The following PXDNL variants were observed in gnomAD, a reference collection of about 807,000 sequenced individuals.
The protein encoded by PXDNL is probable oxidoreductase PXDNL.
A neutral mutation model predicts 150.8 loss-of-function variants in PXDNL; 145 were observed. The ratio of observed to expected loss-of-function variants is 0.96; its 90% CI spans 0.84 to 1.10. The LOEUF (loss-of-function observed/expected upper bound fraction) is 1.10. Ranked by LOEUF, PXDNL falls within the 50% of genes least tolerant of loss-of-function variation. The probability of loss-of-function intolerance (pLI) is 0.00; values close to 1 mark genes in which losing one functional copy is unlikely to be tolerated. For missense variants in PXDNL, 2,087 were observed against 1,873.9 expected (o/e 1.11, Z -2.10); for synonymous variants, 757 against 725.7 (o/e 1.04, Z -0.69).
At chr8:51,321,668 C>G (rs543239388) in intron 21 of PXDNL, among the ~76,000 whole-genome samples, 1 of 152,198 alleles carries the variant, frequency 6.6e-6, no homozygotes, top group South Asian at 2.1e-4. Flanking sequence ...GCTTGCTTCC[C>G]CTTTGCCTTC....
chr8:51,586,645 A>C (rs1813329331), intron 3 of PXDNL, among the ~76,000 whole-genome samples: 1 of 152,234 alleles, frequency 6.6e-6, no homozygotes, highest in Non-Finnish European at 1.5e-5. Flanking sequence ...AAATCTTTTT[A>C]TCTATAGGAT....
chr8:51,562,080 C>G (rs191025740), intron 3 of PXDNL, among the ~76,000 whole-genome samples: 1 of 151,338 alleles, frequency 6.6e-6, no homozygotes, highest in East Asian at 1.9e-4. Context: ...TGATATATTG[C>G]TTTTTCATAT....
At chr8:51,625,830 T>C (rs1376179432) in intron 2 of PXDNL, among the ~76,000 whole-genome samples, 3 of 152,226 alleles carry the variant, frequency 2.0e-5, no homozygotes, top group Non-Finnish European at 4.4e-5. Context: ...ATTTTTTTAG[T>C]ACTCTGTGAT....
intron 2 of PXDNL, among the ~76,000 whole-genome samples, chr8:51,597,545 T>G (rs1813598679): frequency 6.6e-6 from 1 of 152,118 alleles, no homozygotes; most frequent in Admixed American, 6.5e-5. Flanking sequence ...GCATGGAATA[T>G]TTTTCCATTT....
At chr8:51,634,676 C>T (rs565423869) in intron 2 of PXDNL, among the ~76,000 whole-genome samples, 2 of 152,006 alleles carry the variant, frequency 1.3e-5, no homozygotes, top group African/African-American at 2.4e-5. Context: ...TGTACTTTTC[C>T]TTATAGAGCT....
chr8:51,653,184 C>T (rs1815076291), intron 2 of PXDNL, among the ~76,000 whole-genome samples: 1 of 152,124 alleles, frequency 6.6e-6, no homozygotes, highest in African/African-American at 2.4e-5. Context: ...TTTTGGGAGG[C>T]CGAGGCGGAT....
At chr8:51,421,562 T>C (rs1442091296) in intron 14 of PXDNL, among the ~76,000 whole-genome samples, 1 of 151,996 alleles carries the variant, frequency 6.6e-6, no homozygotes. Flanking sequence ...TAGCCTGGCG[T>C]GTGATAGGCA....
chr8:51,430,791 C>A (rs1334038671), intron 12 of PXDNL, among the ~76,000 whole-genome samples: 2 of 152,192 alleles, frequency 1.3e-5, no homozygotes, highest in African/African-American at 4.8e-5. Context: ...TTTCATTCAA[C>A]AACTCTCCAC....
At chr8:51,651,122 C>T (rs547160456) in intron 2 of PXDNL, among the ~76,000 whole-genome samples, 1 of 152,188 alleles carries the variant, frequency 6.6e-6, no homozygotes, top group South Asian at 2.1e-4. Context: ...TAATTTAATG[C>T]CATTTAACAA....
intron 17 of PXDNL, among the ~76,000 whole-genome samples, chr8:51,403,615 C>A (rs1383206025): frequency 6.6e-6 from 1 of 152,182 alleles, no homozygotes; most frequent in Non-Finnish European, 1.5e-5. Context: ...CCAGTCTTTA[C>A]CCTACTTCTC....
At chr8:51,345,983 G>A (rs1259270331) in intron 19 of PXDNL, 36 bp from the exon 20 acceptor site, 2 of 1,230,194 alleles carry the variant, frequency 1.6e-6, no homozygotes, top group African/African-American at 3.0e-5. Context: ...AGCATCATGT[G>A]AGATGCGATG....
At chr8:51,792,348 C>T (rs1229824600) in intron 1 of PXDNL, among the ~76,000 whole-genome samples, 2 of 152,192 alleles carry the variant, frequency 1.3e-5, no homozygotes, top group Non-Finnish European at 2.9e-5. Flanking sequence ...CTCCTACCCC[C>T]AGCCAAGAGA....
chr8:51,453,639 C>T lies in PXDNL; in HGVS notation c.1129G>A (p.Val377Met). ...NGLELDGSRH[V>M]ATSSGLYLQN... is the part of the protein sequence containing the mutation. ...AAGTAAAGTCCACTGGACGTTGCCA[C>T]GTGCCTGGATCCATCCAGCTCCAAT... The change falls in exon 10 of 23, where the codon GTG becomes ATG. Residue 377 changes from valine (V) to methionine (M), a missense_variant. Val to Met is a conservative substitution (Grantham distance 21). Coordinates refer to ENST00000356297, the MANE Select transcript of PXDNL (RefSeq NM_144651.5). 3 of 1,614,018 alleles carry T rather than the reference C, an allele frequency of 1.9e-6. No homozygotes were observed. Among genetic ancestry groups the T allele is most frequent in the Non-Finnish European group, 2.5e-6 (3 of 1,179,896 alleles).
At position 51,372,066 on chromosome 8, in the gene PXDNL, G is replaced by GTTT. The variant is rs902007604; in HGVS notation, c.3705_3707dup (p.Glu1235_Asn1236insLys). The GTTT allele has an allele frequency of 1.3e-6, 2 of 1,588,630 alleles. No individual in the cohort carries two copies. The highest frequency in any genetic ancestry group is 1.7e-6 in the Non-Finnish European group (2 of 1,167,440). ...GTTGTGCCGGGGTAAATACTCCAGG[G>GTTT]TTTTCATACCAGAACCTGGTAGTCA... On this transcript the variant is annotated inframe_insertion, in exon 19 of 23. Transcript: ENST00000356297.
chr8:51,581,737 G>A (rs930148784), intron 3 of PXDNL, among the ~76,000 whole-genome samples: 2 of 152,044 alleles, frequency 1.3e-5, no homozygotes, highest in Non-Finnish European at 2.9e-5. Flanking sequence ...TCTCATAAAA[G>A]CAGTTTGGAA....
intron 8 of PXDNL, among the ~76,000 whole-genome samples, chr8:51,462,260 T>C (rs1222280874): frequency 6.6e-6 from 1 of 152,120 alleles, no homozygotes; most frequent in Non-Finnish European, 1.5e-5. Flanking sequence ...TCTTATTACT[T>C]CCAAATGACT....
intron 2 of PXDNL, among the ~76,000 whole-genome samples, chr8:51,628,665 A>T (rs1814420209): frequency 6.6e-6 from 1 of 151,106 alleles, no homozygotes; most frequent in Non-Finnish European, 1.5e-5. Flanking sequence ...GGCCTCTCAA[A>T]GTGCTGGGAT....
chr8:51,323,203 T>C (rs1563356988), intron 21 of PXDNL, among the ~76,000 whole-genome samples: 3 of 152,244 alleles, frequency 2.0e-5, no homozygotes, highest in Admixed American at 2.0e-4. Flanking sequence ...CTTTAGGCAC[T>C]TAGGACAGTA....
At chr8:51,704,538 C>T (rs1816322637) in intron 1 of PXDNL, among the ~76,000 whole-genome samples, 1 of 152,198 alleles carries the variant, frequency 6.6e-6, no homozygotes, top group Admixed American at 6.5e-5. Context: ...ATATATTCCA[C>T]TTTACTAGTT....
Sources: gnomAD v4.1 joint callset for allele counts (sites outside exome capture counted in the v4.1 genomes callset) on GRCh38, gnomAD v4.1.1 for gene constraint, MANE v1.5 for transcripts, NCBI Gene and HGNC (gene_info 2026-07-23, HGNC 2026-07-21) for gene names.